CCSER2: variants seen among roughly 807,000 people sequenced by gnomAD.
CCSER2 encodes the protein coiled-coil serine rich protein 2, also known as serine-rich coiled-coil domain-containing protein 2.
A neutral mutation model predicts 92.3 loss-of-function variants in CCSER2; 46 were observed. That is an observed-to-expected ratio of 0.50 (90% CI 0.39 to 0.64). The LOEUF (loss-of-function observed/expected upper bound fraction) is 0.64, where lower values mean the gene tolerates loss of function less well. Ranked by LOEUF, CCSER2 falls within the 30% of genes least tolerant of loss-of-function variation. The pLI, the probability that CCSER2 is intolerant of heterozygous loss-of-function variation, is 0.00. For synonymous variants in CCSER2, 433 were observed against 431.4 expected, an observed-to-expected ratio of 1.00 and a Z score of -0.04; for missense variants, 1,244 against 1,238.9, an observed-to-expected ratio of 1.00 and a Z score of -0.06.
chr10:84,403,807 A>G lies in CCSER2; in HGVS notation c.1615-13964A>G, dbSNP rs759545050. ...AAAATGCCGAGAAACAACATTTCTT[A>G]TATTTCTGATGGAAATTAAAATGGT... On this transcript the variant is annotated intron_variant, in intron 3 of 9. Coordinates refer to ENST00000372088, the MANE Select transcript of CCSER2 (RefSeq NM_001284240.2). Among the ~76,000 whole-genome samples, 9 of 152,224 alleles carry G rather than the reference A, an allele frequency of 5.9e-5. No homozygotes were observed. The South Asian group carries it at 6.2e-4, about 11-fold the overall frequency.
At chr10:84,437,444 G>T (rs1208139209) in intron 5 of CCSER2, among the ~76,000 whole-genome samples, 1 of 151,982 alleles carries the variant, frequency 6.6e-6, no homozygotes, top group African/African-American at 2.4e-5. Flanking sequence ...AACTCCGGAG[G>T]CAGAGGTTAC....
intron 1 of CCSER2, among the ~76,000 whole-genome samples, chr10:84,347,945 A>G (rs1423615226): frequency 6.8e-6 from 1 of 148,000 alleles, no homozygotes. Context: ...GGCGGCCGGG[A>G]AGAGGCACTC....
At chr10:84,503,099 C>G (rs982234224) in intron 9 of CCSER2, among the ~76,000 whole-genome samples, 1 of 152,010 alleles carries the variant, frequency 6.6e-6, no homozygotes, top group Non-Finnish European at 1.5e-5. Flanking sequence ...TGGCGGGTGC[C>G]TGTAGTCCCA....
intron 3 of CCSER2, among the ~76,000 whole-genome samples, chr10:84,405,724 C>A (rs1234012813): frequency 6.6e-6 from 1 of 152,138 alleles, no homozygotes; most frequent in Non-Finnish European, 1.5e-5. Context: ...ACATCATTAG[C>A]AAATTCAGGC....
At chr10:84,429,198 G>T (rs1229732218) in intron 5 of CCSER2, among the ~76,000 whole-genome samples, 1 of 152,044 alleles carries the variant, frequency 6.6e-6, no homozygotes, top group East Asian at 1.9e-4. Context: ...GTATTGACCA[G>T]TGGAGTTATT....
chr10:84,337,441 T>A (rs952795430), intron 1 of CCSER2, among the ~76,000 whole-genome samples: 1 of 152,134 alleles, frequency 6.6e-6, no homozygotes, highest in African/African-American at 2.4e-5. Flanking sequence ...AATATGAAAA[T>A]CATTGGTGAC....
intron 3 of CCSER2, among the ~76,000 whole-genome samples, chr10:84,406,192 TTA>T (rs1842367201): frequency 6.6e-6 from 1 of 152,164 alleles, no homozygotes; most frequent in Non-Finnish European, 1.5e-5. Flanking sequence ...ATGATTCCAT[TTA>T]TATGATATTC....
At chr10:84,506,940 A>T (rs1016590390) in intron 9 of CCSER2, among the ~76,000 whole-genome samples, 25 of 152,262 alleles carry the variant, frequency 1.6e-4, no homozygotes, top group African/African-American at 5.5e-4. Flanking sequence ...AGGTATTTGG[A>T]GTATGAATAT....
chr10:84,380,779 C>T (rs905617009), intron 3 of CCSER2, among the ~76,000 whole-genome samples: 3 of 151,688 alleles, frequency 2.0e-5, no homozygotes, highest in Admixed American at 6.6e-5. Flanking sequence ...CTGTAAGCTC[C>T]GCCTTCCTGG....
chr10:84,453,016 T>G (rs1488649494), intron 6 of CCSER2, among the ~76,000 whole-genome samples: 2 of 152,194 alleles, frequency 1.3e-5, no homozygotes, highest in Non-Finnish European at 1.5e-5. Flanking sequence ...ATAATAGCTT[T>G]TTTATCTTTT....
At chr10:84,487,232 T>A (rs537190343) in intron 9 of CCSER2, among the ~76,000 whole-genome samples, 1 of 152,328 alleles carries the variant, frequency 6.6e-6, no homozygotes, top group African/African-American at 2.4e-5. Flanking sequence ...TGCGGGCTCT[T>A]TTTTGGTTCC....
intron 9 of CCSER2, among the ~76,000 whole-genome samples, chr10:84,501,475 G>C (rs1008398676): frequency 6.6e-6 from 1 of 151,874 alleles, no homozygotes; most frequent in African/African-American, 2.4e-5. Context: ...TGAAGTTTGG[G>C]ATTAATTATT....
At chr10:84,499,919 C>G (rs757754347) in intron 9 of CCSER2, 1 of 1,613,922 alleles carries the variant, frequency 6.2e-7, no homozygotes, top group South Asian at 1.1e-5. Flanking sequence ...AGGGCTCCTT[C>G]CAGGGGATCC....
chr10:84,411,813 C>T (rs1225486599), intron 3 of CCSER2, among the ~76,000 whole-genome samples: 1 of 152,200 alleles, frequency 6.6e-6, no homozygotes, highest in Non-Finnish European at 1.5e-5. Flanking sequence ...TTTCTCTTGA[C>T]TGATTGCCCT....
chr10:84,473,813 C>T (rs902121754), intron 8 of CCSER2, among the ~76,000 whole-genome samples: 6 of 152,144 alleles, frequency 3.9e-5, no homozygotes, highest in African/African-American at 1.4e-4. Context: ...CAGTTTCCAT[C>T]ACCTCTCTCT....
chr10:84,484,223 G>A (rs905455445), intron 9 of CCSER2, among the ~76,000 whole-genome samples: 1 of 151,596 alleles, frequency 6.6e-6, no homozygotes, highest in African/African-American at 2.4e-5. Context: ...TGATCCACCT[G>A]CCTCTGCCTC....
chr10:84,432,301 C>T (rs776233948), intron 5 of CCSER2, among the ~76,000 whole-genome samples: 26 of 152,148 alleles, frequency 1.7e-4, no homozygotes, highest in Admixed American at 4.6e-4. Flanking sequence ...GTTTGTATCA[C>T]ATATACATGG....
At chr10:84,347,162 G>A (rs1328096626) in intron 1 of CCSER2, among the ~76,000 whole-genome samples, 1 of 152,200 alleles carries the variant, frequency 6.6e-6, no homozygotes, top group Admixed American at 6.5e-5. Context: ...ACAAAATGAA[G>A]TCTCCCATGT....
At chr10:84,423,691 G>A (rs1306102324) in intron 4 of CCSER2, among the ~76,000 whole-genome samples, 1 of 152,146 alleles carries the variant, frequency 6.6e-6, no homozygotes, top group Non-Finnish European at 1.5e-5. Context: ...ATTCAGAACA[G>A]TTAAATGTAG....
Sources: gnomAD v4.1 joint callset for allele counts (sites outside exome capture counted in the v4.1 genomes callset) on GRCh38, gnomAD v4.1.1 for gene constraint, MANE v1.5 for transcripts, NCBI Gene and HGNC (gene_info 2026-07-23, HGNC 2026-07-21) for gene names.